Variants in SDHAF3 observed in about 807,000 individuals in gnomAD.
SDHAF3 encodes succinate dehydrogenase assembly factor 3, mitochondrial.
SDHAF3 carries 18 observed loss-of-function variants against 11.5 expected under a neutral mutation model. The ratio of observed to expected loss-of-function variants is 1.56; its 90% CI spans 1.08 to 2.32. SDHAF3 has a LOEUF of 2.32. Ranked by LOEUF, SDHAF3 falls within the 30% of genes most tolerant of loss-of-function variation. The pLI is 0.00. For missense variants in SDHAF3, 200 were observed against 154.4 expected (o/e 1.30, Z -1.57); for synonymous variants, 72 against 59.3 (o/e 1.21, Z -0.99).
At chr7:97,131,819 A>G (rs1469311664) in intron 1 of SDHAF3, among the ~76,000 whole-genome samples, 1 of 152,170 alleles carries the variant, frequency 6.6e-6, no homozygotes, top group Non-Finnish European at 1.5e-5. Context: ...ACGTACAAAG[A>G]TGTTAATTGC....
intron 1 of SDHAF3, among the ~76,000 whole-genome samples, chr7:97,169,472 A>G (rs1449990575): frequency 6.6e-6 from 1 of 152,206 alleles, no homozygotes; most frequent in East Asian, 1.9e-4. Flanking sequence ...TTGGAGAGTA[A>G]GAATTATGCA....
intron 1 of SDHAF3, among the ~76,000 whole-genome samples, chr7:97,172,596 T>C (rs1029268458): frequency 8.5e-5 from 13 of 152,224 alleles, no homozygotes; most frequent in African/African-American, 3.1e-4. Context: ...TAAGGAATTT[T>C]ATGCCACTTT....
intron 1 of SDHAF3, among the ~76,000 whole-genome samples, chr7:97,160,888 A>G (rs1240899671): frequency 6.6e-6 from 1 of 152,184 alleles, no homozygotes; most frequent in Non-Finnish European, 1.5e-5. Flanking sequence ...GGAATTTAAT[A>G]TAAACAAACA....
At chr7:97,150,039 T>C (rs1789194004) in intron 1 of SDHAF3, among the ~76,000 whole-genome samples, 1 of 152,272 alleles carries the variant, frequency 6.6e-6, no homozygotes, top group Non-Finnish European at 1.5e-5. Context: ...TCACTTTCTT[T>C]GCTCATCCAT....
At chr7:97,130,996 T>C (rs1294169511) in intron 1 of SDHAF3, among the ~76,000 whole-genome samples, 1 of 152,216 alleles carries the variant, frequency 6.6e-6, no homozygotes, top group Non-Finnish European at 1.5e-5. Flanking sequence ...GGCTCCAGGC[T>C]GTTTTTGGCT....
intron 1 of SDHAF3, among the ~76,000 whole-genome samples, chr7:97,150,852 G>A (rs1002720809): frequency 5.3e-5 from 8 of 151,860 alleles, no homozygotes; most frequent in Non-Finnish European, 7.4e-5. Flanking sequence ...GTGAGCCACC[G>A]CACCCGGCCT....
intron 1 of SDHAF3, among the ~76,000 whole-genome samples, chr7:97,146,665 C>T (rs1490041300): frequency 6.6e-6 from 1 of 151,936 alleles, no homozygotes; most frequent in East Asian, 1.9e-4. Flanking sequence ...GAAAACTATT[C>T]TGCTATAGAT....
intron 1 of SDHAF3, among the ~76,000 whole-genome samples, chr7:97,161,625 C>T (rs777043990): frequency 1.3e-5 from 2 of 152,080 alleles, no homozygotes; most frequent in Non-Finnish European, 2.9e-5. Flanking sequence ...GTGCTGTTCC[C>T]CTCCCTGTGT....
At chr7:97,133,538 C>T (rs1584212218) in intron 1 of SDHAF3, among the ~76,000 whole-genome samples, 1 of 152,150 alleles carries the variant, frequency 6.6e-6, no homozygotes, top group African/African-American at 2.4e-5. Context: ...GTACTGAATG[C>T]ATATTGTAAG....
intron 1 of SDHAF3, among the ~76,000 whole-genome samples, chr7:97,139,593 T>C (rs144219636): frequency 2.0e-5 from 3 of 152,348 alleles, no homozygotes; most frequent in East Asian, 1.9e-4. Flanking sequence ...GCTTGACTTT[T>C]AGGCTTTAAA....
In SDHAF3 at chr7:97,126,240, C is replaced by G. The variant is rs184840241; in HGVS notation, c.174+8343C>G. On this transcript the variant is annotated intron_variant, in intron 1 of 1. Coordinates refer to ENST00000432641, the MANE Select transcript of SDHAF3 (RefSeq NM_020186.3). Reference sequence around the variant, plus strand: ...TCCTGTATGAGGTGTCTGTCAACCCCTGTTGGGAGGTCTCTTCCAGTCAGG... The same window carrying G: ...TCCTGTATGAGGTGTCTGTCAACCCGTGTTGGGAGGTCTCTTCCAGTCAGG... 2.5e-3 allele frequency among the ~76,000 whole-genome samples: 376 copies of G among 152,334 alleles called. 5 individuals carry two copies. The highest frequency in any genetic ancestry group is 7.9e-3 in the Admixed American group (121 of 15,310).
In SDHAF3 at chr7:97,128,150, G is replaced by A. The variant is rs138896494; in HGVS notation, c.174+10253G>A. Among the ~76,000 whole-genome samples the A allele has an allele frequency of 4.6e-4, 70 of 151,948 alleles. 1 individual carries two copies. Among genetic ancestry groups the A allele is most frequent in the East Asian group, 3.5e-3 (18 of 5,162 alleles). On this transcript the variant is annotated intron_variant, in intron 1 of 1. Transcript: ENST00000432641. ...TGACACCAAGTGATCCACTTGCCTC[G>A]GCCTCCCAAAGTCAAGTTTTAACTT...
chr7:97,173,890 A>C (rs1789642063), intron 1 of SDHAF3, among the ~76,000 whole-genome samples: 1 of 150,440 alleles, frequency 6.6e-6, no homozygotes, highest in African/African-American at 2.4e-5. Flanking sequence ...TCAGTTTTTA[A>C]AGTTTCCTGA....
In SDHAF3 at chr7:97,123,150, C is replaced by G. The variant is rs1791526412; in HGVS notation, c.174+5253C>G. Among the ~76,000 whole-genome samples, 4 of 152,104 alleles carry G rather than the reference C, an allele frequency of 2.6e-5. No individual in the cohort carries two copies. The South Asian group carries it at 8.3e-4, about 32-fold the overall frequency. ...CCTAATGCTCTACCTCCTCTTTCCCCCCACCCCCTGAAAGGCCCAGGTATG... is the reference window on the plus strand; with the variant it reads ...CCTAATGCTCTACCTCCTCTTTCCCGCCACCCCCTGAAAGGCCCAGGTATG... On this transcript the variant is annotated intron_variant, in intron 1 of 1. Coordinates refer to ENST00000432641, the MANE Select transcript of SDHAF3 (RefSeq NM_020186.3).
At chr7:97,165,323 A>G (rs1448241359) in intron 1 of SDHAF3, among the ~76,000 whole-genome samples, 1 of 148,776 alleles carries the variant, frequency 6.7e-6, no homozygotes, top group East Asian at 2.0e-4. Flanking sequence ...TCTTGACTTC[A>G]CATCAATTAA....
At chr7:97,123,967 A>T (rs1562819157) in intron 1 of SDHAF3, among the ~76,000 whole-genome samples, 1 of 151,740 alleles carries the variant, frequency 6.6e-6, no homozygotes, top group East Asian at 1.9e-4. Flanking sequence ...CTCTGATGGT[A>T]GTTTCTTTTG....
At chr7:97,153,390 C>CT (rs1331931793) in intron 1 of SDHAF3, among the ~76,000 whole-genome samples, 1 of 152,120 alleles carries the variant, frequency 6.6e-6, no homozygotes, top group African/African-American at 2.4e-5. Context: ...TTGATCATTT[C>CT]TTTTTAGCTC....
chr7:97,178,567 T>C (rs1347138787), intron 1 of SDHAF3, among the ~76,000 whole-genome samples: 1 of 152,196 alleles, frequency 6.6e-6, no homozygotes, highest in Non-Finnish European at 1.5e-5. Context: ...CATCTTAGGG[T>C]GAAGTGGCAT....
intron 1 of SDHAF3, among the ~76,000 whole-genome samples, chr7:97,146,817 C>T (rs10233801): frequency 0.35 from 52,560 of 148,110 alleles, 9,365 homozygotes; most frequent in East Asian, 0.49. Flanking sequence ...GATGGAGTCT[C>T]ACTCTGTCGC....
Sources: allele counts gnomAD v4.1 joint callset (sites outside exome capture counted in the v4.1 genomes callset), GRCh38; gene constraint gnomAD v4.1.1; transcripts MANE v1.5; gene names NCBI Gene and HGNC (gene_info 2026-07-23, HGNC 2026-07-21).